Variants in THBS4 observed in about 807,000 individuals in gnomAD.
THBS4 encodes thrombospondin 4.
In THBS4, 90 loss-of-function variants were observed where a neutral mutation model predicts 115.7. The ratio of observed to expected loss-of-function variants is 0.78; its 90% CI spans 0.66 to 0.93. The LOEUF is 0.93. Ranked by LOEUF, THBS4 falls within the 40% of genes least tolerant of loss-of-function variation. The pLI is 0.00. For missense variants in THBS4, 1,087 were observed against 1,232.7 expected, an observed-to-expected ratio of 0.88 and a Z score of 1.77; for synonymous variants, 460 against 479.3, an observed-to-expected ratio of 0.96 and a Z score of 0.53.
At chr5:80,071,410 A>G (rs1262465050) in intron 13 of THBS4, among the ~76,000 whole-genome samples, 2 of 152,140 alleles carry the variant, frequency 1.3e-5, no homozygotes, top group South Asian at 4.1e-4. Flanking sequence ...TATCATTGCC[A>G]GAAACTTTGT....
intron 13 of THBS4, chr5:80,072,027 C>G (rs896794713): frequency 3.0e-5 from 13 of 433,928 alleles, no homozygotes; most frequent in Non-Finnish European, 4.3e-5. Context: ...ATCCCCTCCT[C>G]GTGGTTGCTA....
At chr5:80,009,300 A>T (rs1832076496) in intron 2 of THBS4, among the ~76,000 whole-genome samples, 1 of 152,240 alleles carries the variant, frequency 6.6e-6, no homozygotes. Context: ...AATTGCCAAG[A>T]GATGCATTGA....
At chr5:79,996,839 G>C (rs1462296278) in intron 1 of THBS4, among the ~76,000 whole-genome samples, 1 of 152,016 alleles carries the variant, frequency 6.6e-6, no homozygotes, top group Non-Finnish European at 1.5e-5. Flanking sequence ...GGTCCTAGGT[G>C]GAAATAAGGA....
At chr5:80,058,410 C>A in intron 4 of THBS4, 96 bp downstream of exon 4, 1 of 837,430 alleles carries the variant, frequency 1.2e-6, no homozygotes. Context: ...GGACTGTCAA[C>A]AGAGCAGCCC....
chr5:80,082,536 C>T lies in THBS4; in HGVS notation c.2815C>T (p.Arg939Cys), dbSNP rs1471997203. The T allele has an allele frequency of 3.7e-6, 6 of 1,614,182 alleles. No homozygotes were observed. The highest frequency in any genetic ancestry group is 5.1e-6 in the Non-Finnish European group (6 of 1,180,036). The change falls in exon 21 of 22, where the codon CGC (arginine) becomes TGC (cysteine). Residue 939 changes from arginine to cysteine, a missense_variant. Physicochemically the swap from Arg to Cys is radical, Grantham distance 180. Around this residue, in one of 3 missense-constraint regions of THBS4, gnomAD observed 103 missense variants for 108.2 expected, o/e 0.95. Coordinates refer to ENST00000350881, the MANE Select transcript of THBS4 (RefSeq NM_003248.6). ...ENIIWSNLKY[R>C]CNDTIPEDFQ... is the part of the protein sequence containing the mutation. ...CATCATCTGGTCCAACCTCAAGTATCGCTGCAATGGTAATGTGCATTCTCG... is the reference window on the plus strand; with the variant it reads ...CATCATCTGGTCCAACCTCAAGTATTGCTGCAATGGTAATGTGCATTCTCG...
rs368053351 is a variant in THBS4, at chr5:80,061,843, G to A, written c.1125+11G>A. 2.7e-5 allele frequency: 43 copies of A among 1,602,860 alleles called. No individual in the cohort carries two copies. Among genetic ancestry groups the A allele is most frequent in the Non-Finnish European group, 3.6e-5 (42 of 1,173,920 alleles). On this transcript the variant is annotated intron_variant, in intron 8 of 21. Transcript: ENST00000350881. ...AAGTCAAACAAGCAGGTAGGCTGAA[G>A]TCATGGTTTCTATTCATTTCTCATC...
chr5:80,075,921 A>G (rs935496341), intron 15 of THBS4: 1 of 152,276 alleles, frequency 6.6e-6, no homozygotes. Context: ...GTGGCCCTAG[A>G]GCATGGTCTG....
At position 80,068,025 on chromosome 5, in the gene THBS4, G is replaced by C. The variant is rs753208640; in HGVS notation, c.1247G>C (p.Arg416Thr). 6.2e-7 allele frequency: 1 copy of C among 1,614,224 alleles called. No individual in the cohort carries two copies. Among genetic ancestry groups the C allele is most frequent in the Non-Finnish European group, 8.5e-7 (1 of 1,180,038 alleles). Residue 416 changes from arginine to threonine, a missense_variant, in exon 10 of 22, where the codon AGG (arginine) becomes ACG (threonine). Arg to Thr is a moderately conservative substitution (Grantham distance 71). Transcript: ENST00000350881. ...CCGGGGTATACTGGTGATCAGATAA[G>C]GGGATGCAAAGCGGAAAGAAACTGC... ...CKPGYTGDQI[R>T]GCKAERNCRN...
chr5:80,026,107 T>G (rs1432451090), intron 2 of THBS4, among the ~76,000 whole-genome samples: 1 of 152,178 alleles, frequency 6.6e-6, no homozygotes, highest in African/African-American at 2.4e-5. Context: ...CATTTCTAGA[T>G]CCATACATGA....
At chr5:80,061,452 A>C (rs1233560961) in intron 7 of THBS4, among the ~76,000 whole-genome samples, 1 of 152,222 alleles carries the variant, frequency 6.6e-6, no homozygotes, top group African/African-American at 2.4e-5. Context: ...GGTTAATATC[A>C]AGGACCCTTT....
Position 80,055,826 on chromosome 5 carries a change from G to T in THBS4, c.334G>T (p.Val112Leu). The T allele has an allele frequency of 6.2e-7, 1 of 1,614,122 alleles. No homozygotes were observed. Among genetic ancestry groups the T allele is most frequent in the Admixed American group, 1.7e-5 (1 of 60,016 alleles). ...GAAGAACGATGGGAAGGTGCATTTGGTGGTTTTCAACAACCTGCAGCTGGC... is the reference window on the plus strand; with the variant it reads ...GAAGAACGATGGGAAGGTGCATTTGTTGGTTTTCAACAACCTGCAGCTGGC... ...YLKNDGKVHLVVFNNLQLADG... is the reference protein window; with the variant it reads ...YLKNDGKVHLLVFNNLQLADG... Residue 112 changes from valine (V) to leucine (L), a missense_variant, in exon 3 of 22, where the codon GTG becomes TTG. Val to Leu is a conservative substitution (Grantham distance 32, BLOSUM62 1). This residue lies in a region of THBS4 where 979 missense variants were observed against 1,103.7 expected (regional missense o/e 0.89). Coordinates refer to ENST00000350881, the MANE Select transcript of THBS4 (RefSeq NM_003248.6).
intron 1 of THBS4, among the ~76,000 whole-genome samples, chr5:80,038,017 T>C (rs971823294): frequency 1.3e-5 from 2 of 152,172 alleles, no homozygotes; most frequent in African/African-American, 2.4e-5. Context: ...ACAGTATAGA[T>C]CCAGTTTGAA....
At position 80,073,856 on chromosome 5, in the gene THBS4, T is replaced by C. The variant is rs75929237; in HGVS notation, c.1892+529T>C. Among the ~76,000 whole-genome samples the C allele has an allele frequency of 6.4e-4, 98 of 152,328 alleles. No homozygotes were observed. The East Asian group carries it at 0.014, about 22-fold the overall frequency. On this transcript the variant is annotated intron_variant, in intron 15 of 21. Coordinates refer to ENST00000350881, the MANE Select transcript of THBS4 (RefSeq NM_003248.6). ...GGTGTCAGAATAGGTTACTAGGCAC[T>C]CCAGCAAGTGAGATCTATTTCAGGA...
intron 1 of THBS4, among the ~76,000 whole-genome samples, chr5:79,991,711 C>T (rs1831676701): frequency 6.6e-6 from 1 of 152,238 alleles, no homozygotes; most frequent in African/African-American, 2.4e-5. Context: ...ACTGGCACAA[C>T]CCTGCTTAAA....
At chr5:80,065,513 A>T in intron 9 of THBS4, 36 bp downstream of exon 9, 1 of 1,586,788 alleles carries the variant, frequency 6.3e-7, no homozygotes, top group Non-Finnish European at 8.6e-7. Flanking sequence ...ATCAAAGCAG[A>T]ACCGGTTATT....
chr5:80,064,492 G>A (rs900712438), intron 8 of THBS4, among the ~76,000 whole-genome samples: 2 of 152,208 alleles, frequency 1.3e-5, no homozygotes, highest in African/African-American at 4.8e-5. Flanking sequence ...AAAAGGTAAA[G>A]AAATAAATAC....
intron 2 of THBS4, among the ~76,000 whole-genome samples, chr5:80,011,399 C>T (rs1008836253): frequency 6.6e-6 from 1 of 152,042 alleles, no homozygotes; most frequent in African/African-American, 2.4e-5. Flanking sequence ...GCCACGGAGG[C>T]TGGGAAATAC....
rs115717120 is a variant in THBS4 at position 80,071,146 on chromosome 5, A to G, written c.1686A>G (p.Arg562=). The G allele has an allele frequency of 6.3e-7, 1 of 1,596,742 alleles. No homozygotes were observed. The highest frequency in any genetic ancestry group is 8.5e-7 in the Non-Finnish European group (1 of 1,175,218). The change falls in exon 13 of 22, where the codon AGA becomes AGG. Residue 562 remains arginine (R), a synonymous_variant. Transcript: ENST00000350881. ...NDQKDTDGDG[R]GDACDDDMDG... is the part of the protein sequence containing the mutation. ...AGAAAGACACCGATGGGGATGGAAGAGGAGATGCCTGTGATGATGACATGG... is the reference window on the plus strand; with the variant it reads ...AGAAAGACACCGATGGGGATGGAAGGGGAGATGCCTGTGATGATGACATGG...
At chr5:80,034,688 A>G (rs1832653691), upstream of THBS4, among the ~76,000 whole-genome samples, 1 of 152,244 alleles carries the variant, frequency 6.6e-6, no homozygotes, top group Non-Finnish European at 1.5e-5. Context: ...CAGATTCACC[A>G]GCCTAGAAAT....
Sources: gnomAD v4.1 joint callset for allele counts (sites outside exome capture counted in the v4.1 genomes callset) on GRCh38, gnomAD v4.1.1 for gene constraint, gnomAD v4.1.1 regional missense constraint, MANE v1.5 for transcripts, NCBI Gene and HGNC (gene_info 2026-07-23, HGNC 2026-07-21) for gene names.